Variants in MS4A5 observed in about 807,000 individuals in gnomAD.
MS4A5 encodes the protein membrane-spanning 4-domains subfamily A member 5.
In MS4A5, 15 loss-of-function variants were observed where a neutral mutation model predicts 18.2. That is an observed-to-expected ratio of 0.83 (90% CI 0.55 to 1.27). MS4A5 has a LOEUF of 1.27. MS4A5 is among the 50% of genes most tolerant of loss of function. MS4A5 has a pLI of 0.00. For missense variants in MS4A5, 232 were observed against 225.7 expected (o/e 1.03, Z -0.18); for synonymous variants, 89 against 78.7 (o/e 1.13, Z -0.69).
rs1435598691 is a variant in MS4A5 at position 60,445,029 on chromosome 11, A to AGG, written c.493-2620_493-2619insGG. ...AGAATACTTCTCAGCAATATAAAAG[A>AGG]ACAACCTACTGACACAGAGGAGCAT... On this transcript the variant is annotated intron_variant, in intron 4 of 4. Transcript: ENST00000300190. Among the ~76,000 whole-genome samples the AGG allele has an allele frequency of 2.4e-3, 358 of 152,334 alleles. 2 individuals are homozygous for AGG. The highest frequency in any genetic ancestry group is 8.4e-3 in the African/African-American group (349 of 41,584).
In MS4A5 at chr11:60,433,100, T is replaced by G. The variant is rs368475244; in HGVS notation, c.339+633T>G. 5.9e-5 allele frequency among the ~76,000 whole-genome samples: 9 copies of G among 152,312 alleles called. No individual in the cohort carries two copies. The South Asian group carries it at 1.4e-3, about 25-fold the overall frequency. On this transcript the variant is annotated intron_variant, in intron 3 of 4. Transcript: ENST00000300190. The stretch of plus-strand genomic sequence containing the variant: ...ATTAATGGTAGAATTATTTCAACAT[T>G]CCAGTTACTTATTCATTCTTTTTTG...
intron 2 of MS4A5, among the ~76,000 whole-genome samples, chr11:60,431,819 A>G (rs2086049865): frequency 6.6e-6 from 1 of 152,192 alleles, no homozygotes; most frequent in Non-Finnish European, 1.5e-5. Context: ...TGTGAACTAT[A>G]AGAGTTCAGC....
chr11:60,432,764 C>T (rs1268064867), intron 3 of MS4A5, among the ~76,000 whole-genome samples: 1 of 102,762 alleles, frequency 9.7e-6, no homozygotes, highest in African/African-American at 3.4e-5. Flanking sequence ...GAAAAGACTC[C>T]ATCTCAAAAA....
chr11:60,437,292 C>A (rs202237066), intron 4 of MS4A5, among the ~76,000 whole-genome samples: 6 of 150,540 alleles, frequency 4.0e-5, no homozygotes, highest in South Asian at 2.1e-4. Flanking sequence ...TGGAAAGGAA[C>A]AACTGGTACC....
intron 3 of MS4A5, 35 bp downstream of exon 3, chr11:60,432,502 T>C: frequency 2.2e-6 from 3 of 1,383,082 alleles, no homozygotes; most frequent in African/African-American, 1.4e-5. Flanking sequence ...AAAATATATT[T>C]TGTAGCCAGT....
At chr11:60,445,580 T>C (rs1377309273) in intron 4 of MS4A5, among the ~76,000 whole-genome samples, 1 of 152,174 alleles carries the variant, frequency 6.6e-6, no homozygotes, top group East Asian at 1.9e-4. Context: ...TCTTTATATA[T>C]AAACTTTGAT....
intron 4 of MS4A5, among the ~76,000 whole-genome samples, chr11:60,446,561 C>T (rs765796822): frequency 6.6e-6 from 1 of 152,006 alleles, no homozygotes; most frequent in African/African-American, 2.4e-5. Flanking sequence ...GGCGAAACCC[C>T]GTCTCTACTA....
Position 60,434,522 on chromosome 11 carries a change from A to C in MS4A5, c.492+605A>C, listed in dbSNP as rs150810100. On this transcript the variant is annotated intron_variant, in intron 4 of 4. Coordinates refer to ENST00000300190, the MANE Select transcript of MS4A5 (RefSeq NM_023945.3). ...TACAGCAGAGCCTAAGAAATACTTA[A>C]TATTTGAATGCACCAGGTCCACAGA... Among the ~76,000 whole-genome samples the C allele has an allele frequency of 4.5e-3, 678 of 152,332 alleles. 4 individuals are homozygous for C. Among genetic ancestry groups the C allele is most frequent in the African/African-American group, 0.016 (659 of 41,568 alleles).
chr11:60,433,119 T>C (rs183141623), intron 3 of MS4A5, among the ~76,000 whole-genome samples: 300 of 152,344 alleles, frequency 2.0e-3, no homozygotes, highest in African/African-American at 6.9e-3. Flanking sequence ...TTATTCATTC[T>C]TTTTTGTTTT....
chr11:60,443,017 T>G (rs1214757899), intron 4 of MS4A5, among the ~76,000 whole-genome samples: 2 of 152,088 alleles, frequency 1.3e-5, no homozygotes, highest in African/African-American at 4.8e-5. Context: ...GGTGGGCAGC[T>G]TTAATCCCAG....
intron 4 of MS4A5, among the ~76,000 whole-genome samples, chr11:60,440,018 T>C (rs571178061): frequency 1.4e-5 from 2 of 145,892 alleles, no homozygotes; most frequent in African/African-American, 2.5e-5. Context: ...CTACCTGACT[T>C]CAAACTATAC....
At chr11:60,437,786 A>G (rs1182553593) in intron 4 of MS4A5, among the ~76,000 whole-genome samples, 2 of 151,234 alleles carry the variant, frequency 1.3e-5, no homozygotes, top group Non-Finnish European at 3.0e-5. Context: ...GTCCTGAGTG[A>G]CCTACAAAGA....
At position 60,447,736 on chromosome 11, in the gene MS4A5, T is replaced by A. The variant is rs138131890; in HGVS notation, c.580T>A (p.Cys194Ser). Residue 194 changes from cysteine to serine, a missense_variant, in exon 5 of 5, where the codon TGT becomes AGT. Transcript: ENST00000300190. ...FSILGCHSED[C>S]DCEQCC ...AATTTTGGGGTGCCACTCAGAGGAT[T>A]GTGATTGTGAACAATGTTGTTGACT... The A allele has an allele frequency of 6.3e-7, 1 of 1,594,280 alleles. No homozygotes were observed. Among genetic ancestry groups the A allele is most frequent in the East Asian group, 2.2e-5 (1 of 44,692 alleles).
intron 4 of MS4A5, among the ~76,000 whole-genome samples, chr11:60,434,295 G>A (rs138531336): frequency 1.3e-3 from 192 of 152,208 alleles, no homozygotes; most frequent in African/African-American, 3.7e-3. Flanking sequence ...CTGAACTTCC[G>A]ATAAAGCATG....
rs571182033 is a variant in MS4A5 at position 60,447,260 on chromosome 11, C to G, written c.493-389C>G. Among the ~76,000 whole-genome samples, 4 of 151,378 alleles carry G rather than the reference C, an allele frequency of 2.6e-5. No homozygotes were observed. In the South Asian group the frequency reaches 6.3e-4, roughly 24 times the overall value. ...CTATGCTATCCTATACTATGCTATG[C>G]TATCCTATGGTATCCTATGCTATGC... On this transcript the variant is annotated intron_variant, in intron 4 of 4. Transcript: ENST00000300190.
Position 60,432,470 on chromosome 11 carries a change from G to C in MS4A5, c.339+3G>C. The C allele has an allele frequency of 6.4e-7, 1 of 1,557,650 alleles. No individual in the cohort carries two copies. Among genetic ancestry groups the C allele is most frequent in the Non-Finnish European group, 8.8e-7 (1 of 1,133,074 alleles). ...AAAGAAAAACCACAGAAACTCTGGT[G>C]AGTTATATTCTTACTTTATTAAAAA... On this transcript the variant is annotated splice_donor_region_variant and intron_variant, in intron 3 of 4. Coordinates refer to ENST00000300190, the MANE Select transcript of MS4A5 (RefSeq NM_023945.3).
intron 4 of MS4A5, chr11:60,435,461 C>T (rs1348227351): frequency 1.7e-5 from 7 of 421,924 alleles, no homozygotes; most frequent in Middle Eastern, 7.0e-4. Context: ...CTCCGGTCTA[C>T]AGCTCCCAGC....
At chr11:60,438,516 T>TA (rs750803785) in intron 4 of MS4A5, among the ~76,000 whole-genome samples, 1 of 151,904 alleles carries the variant, frequency 6.6e-6, no homozygotes, top group Non-Finnish European at 1.5e-5. Flanking sequence ...ACAAAATTGA[T>TA]AGACTGCTAG....
At position 60,447,716 on chromosome 11, in the gene MS4A5, T is replaced by C; in HGVS notation, c.560T>C (p.Leu187Ser). The change falls in exon 5 of 5, where the codon TTG (leucine) becomes TCG (serine). Residue 187 changes from leucine to serine, a missense_variant. Physicochemically the swap from Leu to Ser is moderately radical, Grantham distance 145. Coordinates refer to ENST00000300190, the MANE Select transcript of MS4A5 (RefSeq NM_023945.3). ...ELFISLPFSILGCHSEDCDCE... is the reference protein window; with the variant it reads ...ELFISLPFSISGCHSEDCDCE... Reference sequence around the variant, plus strand: ...TTCATTTCTCTGCCTTTCTCAATTTTGGGGTGCCACTCAGAGGATTGTGAT... The same window carrying C: ...TTCATTTCTCTGCCTTTCTCAATTTCGGGGTGCCACTCAGAGGATTGTGAT... 6.2e-7 allele frequency: 1 copy of C among 1,601,880 alleles called. No individual in the cohort carries two copies. The highest frequency in any genetic ancestry group is 1.1e-5 in the South Asian group (1 of 87,882).
Sources: gnomAD v4.1 joint callset for allele counts (sites outside exome capture counted in the v4.1 genomes callset) on GRCh38, gnomAD v4.1.1 for gene constraint, MANE v1.5 for transcripts, NCBI Gene and HGNC (gene_info 2026-07-23, HGNC 2026-07-21) for gene names.